SPTLC3: variants seen among roughly 807,000 people sequenced by gnomAD.
SPTLC3 encodes serine palmitoyltransferase long chain base subunit 3.
In SPTLC3, 36 loss-of-function variants were observed where a neutral mutation model predicts 59.3. The ratio of observed to expected loss-of-function variants is 0.61; its 90% confidence interval spans 0.47 to 0.80. The LOEUF (loss-of-function observed/expected upper bound fraction) is 0.80. Ranked by LOEUF, SPTLC3 falls within the 30% of genes least tolerant of loss-of-function variation. SPTLC3 has a pLI of 0.00. For synonymous variants in SPTLC3, 257 were observed against 240.8 expected (o/e 1.07, Z -0.62); for missense variants, 625 against 685.1 (o/e 0.91, Z 0.98).
chr20:13,046,445 T>C (rs1287716870), intron 1 of SPTLC3, among the ~76,000 whole-genome samples: 1 of 152,252 alleles, frequency 6.6e-6, no homozygotes, highest in Non-Finnish European at 1.5e-5. Flanking sequence ...CAGATAGTTT[T>C]CTTTTTCCTC....
chr20:13,086,376 A>G (rs1989005612), intron 4 of SPTLC3, among the ~76,000 whole-genome samples: 1 of 152,218 alleles, frequency 6.6e-6, no homozygotes, highest in Non-Finnish European at 1.5e-5. Context: ...TATTCCTTTA[A>G]AAATCCACCT....
chr20:13,022,906 C>T (rs1045549378), intron 1 of SPTLC3, among the ~76,000 whole-genome samples: 9 of 152,150 alleles, frequency 5.9e-5, no homozygotes, highest in Non-Finnish European at 7.3e-5. Flanking sequence ...ATACTTACCA[C>T]GACCATAAGG....
intron 6 of SPTLC3, among the ~76,000 whole-genome samples, chr20:13,108,279 A>G (rs893066613): frequency 6.6e-6 from 1 of 152,240 alleles, no homozygotes; most frequent in African/African-American, 2.4e-5. Flanking sequence ...ACACACAAAT[A>G]TATTCACAAC....
In SPTLC3 at chr20:13,134,840, GT is replaced by G. The variant is rs1298410482; in HGVS notation, c.1279+8126del. 2.6e-5 allele frequency among the ~76,000 whole-genome samples: 4 copies of G among 152,314 alleles called. No individual in the cohort carries two copies. In the East Asian group the frequency reaches 7.7e-4, roughly 29 times the overall value. On this transcript the variant is annotated intron_variant, in intron 9 of 11. Coordinates refer to ENST00000399002, the MANE Select transcript of SPTLC3 (RefSeq NM_018327.4). ...CCCGAAAGAGAAAAGCATGAAATGTGTTTGGATCCATTTCTTTAAATCTGTG... is the reference window on the plus strand; with the variant it reads ...CCCGAAAGAGAAAAGCATGAAATGTGTTGGATCCATTTCTTTAAATCTGTG...
chr20:13,025,065 C>G (rs1986076388), intron 1 of SPTLC3, among the ~76,000 whole-genome samples: 1 of 152,172 alleles, frequency 6.6e-6, no homozygotes, highest in African/African-American at 2.4e-5. Context: ...CACTCCTTTC[C>G]TATGGCCCAA....
chr20:13,033,712 A>G (rs1986604477), intron 1 of SPTLC3, among the ~76,000 whole-genome samples: 1 of 152,140 alleles, frequency 6.6e-6, no homozygotes, highest in South Asian at 2.1e-4. Context: ...TTTGCAAGTG[A>G]TCTTTTATTT....
chr20:13,037,048 T>C (rs1260126678), intron 1 of SPTLC3, among the ~76,000 whole-genome samples: 1 of 152,186 alleles, frequency 6.6e-6, no homozygotes, highest in Non-Finnish European at 1.5e-5. Flanking sequence ...CTTTTGTGCA[T>C]TAAAAAATGC....
chr20:13,045,519 A>G (rs1244879282), intron 1 of SPTLC3, among the ~76,000 whole-genome samples: 1 of 152,212 alleles, frequency 6.6e-6, no homozygotes. Context: ...AAGTAAAAGA[A>G]TATAGTAAGT....
chr20:13,069,504 G>A (rs1329838500), intron 2 of SPTLC3, among the ~76,000 whole-genome samples: 1 of 152,126 alleles, frequency 6.6e-6, no homozygotes, highest in African/African-American at 2.4e-5. Context: ...ACAAAACCTA[G>A]ACCCCTCGCA....
At chr20:13,054,862 GGA>G (rs1987652831) in intron 2 of SPTLC3, among the ~76,000 whole-genome samples, 1 of 151,988 alleles carries the variant, frequency 6.6e-6, no homozygotes, top group Non-Finnish European at 1.5e-5. Flanking sequence ...GTAAGTTCAT[GGA>G]GAAAAAAGAG....
chr20:13,107,461 T>C (rs1989967457), intron 6 of SPTLC3, among the ~76,000 whole-genome samples: 1 of 152,192 alleles, frequency 6.6e-6, no homozygotes, highest in Non-Finnish European at 1.5e-5. Context: ...TGTTGAATTG[T>C]GTCAAATGCT....
chr20:13,085,071 A>G (rs1475750980), intron 4 of SPTLC3, among the ~76,000 whole-genome samples: 1 of 152,112 alleles, frequency 6.6e-6, no homozygotes, highest in Non-Finnish European at 1.5e-5. Context: ...TTTCTTTAAA[A>G]TGAAGGCCTG....
intron 6 of SPTLC3, among the ~76,000 whole-genome samples, chr20:13,094,822 A>G (rs1036908074): frequency 6.6e-6 from 1 of 152,202 alleles, no homozygotes; most frequent in African/African-American, 2.4e-5. Context: ...GTTAGAGTGC[A>G]GTTCAGGACC....
chr20:13,056,436 A>C (rs1987726316), intron 2 of SPTLC3, among the ~76,000 whole-genome samples: 2 of 145,992 alleles, frequency 1.4e-5, no homozygotes, highest in African/African-American at 2.5e-5. Context: ...CTGTCCATAG[A>C]CTGACGCTTT....
chr20:13,128,703 A>G (rs896000019), intron 9 of SPTLC3, among the ~76,000 whole-genome samples: 4 of 151,428 alleles, frequency 2.6e-5, no homozygotes, highest in Non-Finnish European at 4.4e-5. Context: ...GGTTTTTTTA[A>G]AATTTGAGAC....
chr20:13,105,195 G>C (rs1042480681), intron 6 of SPTLC3, among the ~76,000 whole-genome samples: 1 of 152,066 alleles, frequency 6.6e-6, no homozygotes, highest in African/African-American at 2.4e-5. Context: ...AATCCAGGCC[G>C]AGCGCAGTCT....
chr20:13,143,667 G>T (rs925858119), intron 9 of SPTLC3, among the ~76,000 whole-genome samples: 3 of 152,196 alleles, frequency 2.0e-5, no homozygotes, highest in Non-Finnish European at 4.4e-5. Context: ...CCTGTTCAGT[G>T]CATCCTACCC....
chr20:13,018,272 A>G (rs1029518796), intron 1 of SPTLC3, among the ~76,000 whole-genome samples: 1 of 152,236 alleles, frequency 6.6e-6, no homozygotes, highest in Admixed American at 6.5e-5. Flanking sequence ...TAGAAAAGTC[A>G]TTGTGCAATC....
intron 1 of SPTLC3, among the ~76,000 whole-genome samples, chr20:13,047,273 A>G (rs1001113160): frequency 8.5e-5 from 13 of 152,194 alleles, no homozygotes; most frequent in African/African-American, 3.1e-4. Context: ...TGTAGAGGGA[A>G]TGAAGATAAT....
Sources: allele counts gnomAD v4.1 joint callset (sites outside exome capture counted in the v4.1 genomes callset), GRCh38; gene constraint gnomAD v4.1.1; transcripts MANE v1.5; gene names NCBI Gene and HGNC (gene_info 2026-07-23, HGNC 2026-07-21).